ZNF782: variants seen among roughly 807,000 people sequenced by gnomAD.
ZNF782 encodes the protein zinc finger protein 782.
ZNF782 carries 12 observed loss-of-function variants against 13.0 expected under a neutral mutation model. The observed-to-expected ratio is 0.92, with a 90% CI of 0.59 to 1.50. The LOEUF (loss-of-function observed/expected upper bound fraction) is 1.50. Ranked by LOEUF, ZNF782 falls within the 40% of genes most tolerant of loss-of-function variation. The probability of loss-of-function intolerance (pLI) is 0.00; values close to 1 mark genes in which losing one functional copy is unlikely to be tolerated. For synonymous variants in ZNF782, 284 were observed against 283.0 expected (o/e 1.00, Z -0.04); for missense variants, 770 against 822.9 (o/e 0.94, Z 0.79).
rs1408587512 is a variant in ZNF782 at position 96,852,907 on chromosome 9, TC to T, written c.-100del. 6.6e-6 allele frequency: 1 copy of T among 152,600 alleles called. No homozygotes were observed. Among genetic ancestry groups the T allele is most frequent in the Non-Finnish European group, 1.5e-5 (1 of 68,038 alleles). The allele number at this position is 152,600 out of a possible 1,614,324, so 9.5% of individuals were successfully genotyped here. A position where few individuals can be genotyped will look rare whatever the true frequency, so the allele number is the denominator to read the frequency against. On this transcript the variant is annotated 5_prime_UTR_variant, in exon 2 of 6. It removes the in-frame stop codon of an upstream open reading frame in the 5' UTR. Transcript: ENST00000481138. ...TCCTGGCTCTACCACAAACGAGGGA[TC>T]CCCGGAAACTCACTGAACCTTTCAT... is the stretch of plus-strand genomic sequence containing the variant.
At chr9:96,852,228 T>G (rs1328789189) in intron 2 of ZNF782, among the ~76,000 whole-genome samples, 1 of 152,248 alleles carries the variant, frequency 6.6e-6, no homozygotes, top group Non-Finnish European at 1.5e-5. Context: ...TGAGTGAACA[T>G]AAACTTTTCC....
chr9:96,903,610 T>C, the ZNF782 span, among the ~76,000 whole-genome samples: 1 of 122,822 alleles, frequency 8.1e-6, no homozygotes, highest in Admixed American at 1.1e-4. Flanking sequence ...TCGCCCAGGC[T>C]GGAGTGCAGT....
chr9:96,819,151 C>T lies in ZNF782; in HGVS notation c.872G>A (p.Gly291Glu). 6.2e-7 allele frequency: 1 copy of T among 1,613,524 alleles called. No individual in the cohort carries two copies. The highest frequency in any genetic ancestry group is 8.5e-7 in the Non-Finnish European group (1 of 1,179,750). The change falls in exon 6 of 6, where the codon GGG becomes GAG. Residue 291 changes from glycine to glutamate, a missense_variant. By Grantham distance (98) the Gly-to-Glu change is moderately conservative. Transcript: ENST00000481138. ...CRITHKTLTGGKSFSQKSHIR... is the reference protein window; with the variant it reads ...CRITHKTLTGEKSFSQKSHIR... The stretch of plus-strand genomic sequence containing the variant: ...GTGTGACTTTTGGCTGAAGGATTTC[C>T]CTCCTGTGAGAGTTTTGTGAGTGAT...
chr9:96,912,823 G>A, the ZNF782 span, among the ~76,000 whole-genome samples: 34 of 151,698 alleles, frequency 2.2e-4, 1 homozygote, highest in Non-Finnish European at 3.5e-4. Flanking sequence ...CACTGCGCCC[G>A]GCCTTTTTTT....
chr9:96,818,798 G>A lies in ZNF782; in HGVS notation c.1225C>T (p.Leu409=), dbSNP rs1330750374. Residue 409 remains leucine (L), a synonymous_variant, in exon 6 of 6, where the codon CTA becomes TTA. Coordinates refer to ENST00000481138, the MANE Select transcript of ZNF782 (RefSeq NM_001001662.3). The stretch of plus-strand genomic sequence containing the variant: ...GTGTGAGTTCTCTGATGTTTTCTTA[G>A]GCGTGACTTCTCACTGAAGGCTTTC... The part of the protein sequence containing the change: ...CGKAFSEKSR[L]RKHQRTHTGE... The A allele has an allele frequency of 6.2e-7, 1 of 1,613,866 alleles. No homozygotes were observed. The highest frequency in any genetic ancestry group is 1.7e-5 in the Admixed American group (1 of 59,976).
At chr9:96,893,891 T>C in the ZNF782 span, 2 of 141,800 alleles carry the variant, frequency 1.4e-5, 1 homozygote, top group African/African-American at 6.2e-5. Flanking sequence ...TCCCAGCTAC[T>C]CGGGAGGCTG....
the ZNF782 span, among the ~76,000 whole-genome samples, chr9:96,903,637 A>G: frequency 1.6e-5 from 2 of 126,772 alleles, no homozygotes; most frequent in Non-Finnish European, 3.1e-5. Context: ...ATCTCGGCTC[A>G]CTGCAAGCTC....
the ZNF782 span, among the ~76,000 whole-genome samples, chr9:96,930,925 C>T: frequency 5.0e-5 from 5 of 99,692 alleles, no homozygotes; most frequent in East Asian, 3.4e-4. Flanking sequence ...GACGGAGTCT[C>T]GCTCTGTCAC....
rs899691490 is a variant in ZNF782 at position 96,854,351 on chromosome 9, C to G, written c.-525G>C. 1.3e-5 allele frequency: 2 copies of G among 151,708 alleles called. No individual in the cohort carries two copies. The highest frequency in any genetic ancestry group is 3.2e-3 in the Middle Eastern group (1 of 316). The allele number at this position is 151,708 out of a possible 1,614,324, so 9.4% of individuals were successfully genotyped here. A position where few individuals can be genotyped will look rare whatever the true frequency, so the allele number is the denominator to read the frequency against. ...GCCCGCCCGGTCGCATCCACTGACACAGGGGGCGGGGATCCCACAAACTTC... is the reference window on the plus strand; with the variant it reads ...GCCCGCCCGGTCGCATCCACTGACAGAGGGGGCGGGGATCCCACAAACTTC... On this transcript the variant is annotated 5_prime_UTR_variant, in exon 1 of 6. Coordinates refer to ENST00000481138, the MANE Select transcript of ZNF782 (RefSeq NM_001001662.3).
the ZNF782 span, among the ~76,000 whole-genome samples, chr9:96,918,020 G>A: frequency 6.6e-6 from 1 of 151,038 alleles, no homozygotes; most frequent in African/African-American, 2.4e-5. Flanking sequence ...GGGATTGTAC[G>A]TATGGGCCAC....
At chr9:96,911,267 A>G in the ZNF782 span, among the ~76,000 whole-genome samples, 5 of 143,000 alleles carry the variant, frequency 3.5e-5, no homozygotes, top group African/African-American at 1.3e-4. Flanking sequence ...GTGAAACCCC[A>G]TCTATACTAA....
the ZNF782 span, chr9:96,892,419 A>C: frequency 1.3e-5 from 2 of 152,236 alleles, no homozygotes; most frequent in South Asian, 4.1e-4. Context: ...GGTAAATTGG[A>C]GCCAACAGTT....
upstream of ZNF782, among the ~76,000 whole-genome samples, chr9:96,855,227 A>C (rs930330567): frequency 6.6e-6 from 1 of 152,202 alleles, no homozygotes; most frequent in African/African-American, 2.4e-5. Context: ...TTCCATGCGC[A>C]TTAACGAATT....
chr9:96,873,489 C>T (rs1851853063), intron 1 of ZNF782, among the ~76,000 whole-genome samples: 1 of 152,154 alleles, frequency 6.6e-6, no homozygotes, highest in Admixed American at 6.5e-5. Flanking sequence ...TACTTGAGTC[C>T]AGCAGTTCAA....
upstream of ZNF782, among the ~76,000 whole-genome samples, chr9:96,876,547 C>T (rs1851894039): frequency 6.6e-6 from 1 of 152,068 alleles, no homozygotes; most frequent in Non-Finnish European, 1.5e-5. Context: ...AAGGTACATA[C>T]AAATATGTCT....
chr9:96,892,499 C>T, the ZNF782 span: 1 of 152,236 alleles, frequency 6.6e-6, no homozygotes, highest in South Asian at 2.1e-4. Context: ...GGCAGTGACC[C>T]TTCCTCACGC....
the ZNF782 span, among the ~76,000 whole-genome samples, chr9:96,925,330 C>T: frequency 3.8e-3 from 570 of 151,808 alleles, 6 homozygotes; most frequent in African/African-American, 0.013. Flanking sequence ...CCTCCAAGAC[C>T]GTCCCTCCTA....
intron 3 of ZNF782, among the ~76,000 whole-genome samples, chr9:96,851,669 T>C (rs1033728365): frequency 1.3e-5 from 2 of 152,218 alleles, no homozygotes; most frequent in Non-Finnish European, 2.9e-5. Flanking sequence ...TCACAATATT[T>C]ACAGATTCAA....
At chr9:96,874,435 G>A (rs956500641) in intron 1 of ZNF782, among the ~76,000 whole-genome samples, 3 of 152,134 alleles carry the variant, frequency 2.0e-5, no homozygotes, top group African/African-American at 7.2e-5. Flanking sequence ...TTTAGAGATG[G>A]AGGAAACAGG....
Sources: gnomAD v4.1 joint callset for allele counts (sites outside exome capture counted in the v4.1 genomes callset) on GRCh38, gnomAD v4.1.1 for gene constraint, MANE v1.5 for transcripts, NCBI Gene and HGNC (gene_info 2026-07-23, HGNC 2026-07-21) for gene names.